TMEM268: variants seen among roughly 807,000 people sequenced by gnomAD.
TMEM268 encodes the protein transmembrane protein C9orf91.
In TMEM268, 24 loss-of-function variants were observed where a neutral mutation model predicts 39.1. The observed-to-expected ratio is 0.61, with a 90% CI of 0.44 to 0.86. The LOEUF (loss-of-function observed/expected upper bound fraction) is 0.86, where lower values mean the gene tolerates loss of function less well. Among genes scored for constraint, TMEM268 ranks in the 40% least tolerant of loss-of-function variants. The pLI is 0.00. For synonymous variants in TMEM268, 176 were observed against 173.5 expected, an observed-to-expected ratio of 1.01 and a Z score of -0.12; for missense variants, 409 against 428.6, an observed-to-expected ratio of 0.95 and a Z score of 0.40.
intron 5 of TMEM268, among the ~76,000 whole-genome samples, chr9:114,633,522 G>A (rs78152726): frequency 0.034 from 5,105 of 152,100 alleles, 275 homozygotes; most frequent in African/African-American, 0.12. Context: ...TGTCCAGGCT[G>A]GCCTCAAACC....
intron 8 of TMEM268, among the ~76,000 whole-genome samples, chr9:114,639,743 C>T (rs1846807806): frequency 6.6e-6 from 1 of 150,934 alleles, no homozygotes; most frequent in African/African-American, 2.4e-5. Context: ...ATGACAGGAA[C>T]ATGCGGTGGC....
upstream of TMEM268, among the ~76,000 whole-genome samples, chr9:114,606,459 G>A (rs1234215997): frequency 7.9e-5 from 12 of 152,188 alleles, no homozygotes; most frequent in Non-Finnish European, 1.5e-5. Flanking sequence ...TGTGACTTCC[G>A]GGAGCTGAAA....
chr9:114,620,170 G>A (rs150726371), intron 2 of TMEM268, among the ~76,000 whole-genome samples: 8,642 of 152,130 alleles, frequency 0.057, 291 homozygotes, highest in East Asian at 0.13. Flanking sequence ...AGCTGAGATC[G>A]CACCATTGCA....
rs10982333 is a variant in TMEM268, at chr9:114,622,176, G to T, written c.107-2174G>T. 1.4e-3 allele frequency: 1,392 copies of T among 985,420 alleles called. 3 individuals are homozygous for T. Among genetic ancestry groups the T allele is most frequent in the Non-Finnish European group, 1.6e-3 (1,322 of 829,920 alleles). The allele number at this position is 985,420 out of a possible 1,614,324, so 61.0% of individuals were successfully genotyped here. On this transcript the variant is annotated intron_variant, in intron 2 of 8. Transcript: ENST00000288502. ...TAGGCCAGGAATTTCCTGGAAAGTG[G>T]AGTGAGTCATTTGGCTTTGAAGACT...
chr9:114,609,344 C>CA (rs34387732), upstream of TMEM268, among the ~76,000 whole-genome samples: 38 of 142,696 alleles, frequency 2.7e-4, 2 homozygotes, highest in East Asian at 5.0e-3. Context: ...AACAAACAAA[C>CA]AAGCATGTAC....
At chr9:114,619,100 T>A (rs1845845527) in intron 2 of TMEM268, among the ~76,000 whole-genome samples, 1 of 152,288 alleles carries the variant, frequency 6.6e-6, no homozygotes, top group South Asian at 2.1e-4. Flanking sequence ...TTGTTACTAG[T>A]GTTGTTAGGA....
intron 2 of TMEM268, among the ~76,000 whole-genome samples, chr9:114,623,400 C>G (rs1216242655): frequency 6.6e-6 from 1 of 152,202 alleles, no homozygotes; most frequent in African/African-American, 2.4e-5. Flanking sequence ...TCTGCCTCGG[C>G]CTCCTAAAGT....
chr9:114,619,063 T>G (rs1310124535), intron 2 of TMEM268, among the ~76,000 whole-genome samples: 1 of 152,208 alleles, frequency 6.6e-6, no homozygotes, highest in African/African-American at 2.4e-5. Context: ...GCTTTGAAAT[T>G]TGACTGCTTA....
At position 114,643,238 on chromosome 9, in the gene TMEM268, G is replaced by C. The variant is rs767315821; in HGVS notation, c.954G>C (p.Pro318=). 1 of 1,614,154 alleles carries C rather than the reference G, an allele frequency of 6.2e-7. No individual in the cohort carries two copies. Among genetic ancestry groups the C allele is most frequent in the Middle Eastern group, 1.6e-4 (1 of 6,062 alleles). ...TGGGGACACGACACACGAACTCTCC[G>C]AGAATTCCATGCCCCTGCCAGCTCA... is the stretch of plus-strand genomic sequence containing the variant. The part of the protein sequence containing the change: ...QAMGTRHTNS[P]RIPCPCQLIE... Residue 318 remains proline, a synonymous_variant, in exon 9 of 9, where the codon CCG becomes CCC. Coordinates refer to ENST00000288502, the MANE Select transcript of TMEM268 (RefSeq NM_153045.4).
intron 7 of TMEM268, among the ~76,000 whole-genome samples, chr9:114,637,859 T>C (rs1348192616): frequency 6.6e-6 from 1 of 152,198 alleles, no homozygotes; most frequent in Non-Finnish European, 1.5e-5. Context: ...GATTAGCCTT[T>C]TCTGAGCCCC....
chr9:114,607,599 G>A (rs1175762212), upstream of TMEM268, among the ~76,000 whole-genome samples: 1 of 152,206 alleles, frequency 6.6e-6, no homozygotes, highest in Non-Finnish European at 1.5e-5. Context: ...GGGCTGCAGT[G>A]AGCCAAGATC....
upstream of TMEM268, among the ~76,000 whole-genome samples, chr9:114,608,183 T>G (rs1337337628): frequency 1.3e-5 from 2 of 152,208 alleles, no homozygotes; most frequent in African/African-American, 4.8e-5. Flanking sequence ...CTGGTGACAT[T>G]TCAGAGATGC....
intron 5 of TMEM268, among the ~76,000 whole-genome samples, chr9:114,630,594 A>T (rs776703794): frequency 6.6e-6 from 1 of 152,194 alleles, no homozygotes; most frequent in African/African-American, 2.4e-5. Context: ...TACTTAATCT[A>T]TCAGGGCCTC....
upstream of TMEM268, among the ~76,000 whole-genome samples, chr9:114,610,472 T>C (rs1845451247): frequency 6.6e-6 from 1 of 152,216 alleles, no homozygotes; most frequent in Non-Finnish European, 1.5e-5. Context: ...CAAGGTACTT[T>C]GTCGAATGAA....
chr9:114,637,061 T>G lies in TMEM268; in HGVS notation c.657T>G (p.Thr219=). The G allele has an allele frequency of 6.2e-7, 1 of 1,606,366 alleles. No individual in the cohort carries two copies. Among genetic ancestry groups the G allele is most frequent in the Non-Finnish European group, 8.5e-7 (1 of 1,173,078 alleles). Reference sequence around the variant, plus strand: ...CTGATCATGTTCAAGAAATGAAGACTAGCCAAGAGGTAAGATATCTTCAGT... The same window carrying G: ...CTGATCATGTTCAAGAAATGAAGACGAGCCAAGAGGTAAGATATCTTCAGT... The part of the protein sequence containing the change: ...FLSDHVQEMK[T]SQESLLRSRL... The change falls in exon 7 of 9, where the codon ACT becomes ACG. Residue 219 remains threonine, a synonymous_variant. Coordinates refer to ENST00000288502, the MANE Select transcript of TMEM268 (RefSeq NM_153045.4).
At chr9:114,607,760 CAGA>C (rs1458669281), upstream of TMEM268, among the ~76,000 whole-genome samples, 2 of 152,042 alleles carry the variant, frequency 1.3e-5, no homozygotes, top group Non-Finnish European at 2.9e-5. Flanking sequence ...GCAGGGCTCC[CAGA>C]AGAAGGGCCC....
chr9:114,614,752 C>G (rs1293581958), intron 1 of TMEM268, among the ~76,000 whole-genome samples: 2 of 152,170 alleles, frequency 1.3e-5, no homozygotes, highest in South Asian at 4.1e-4. Context: ...GGACATAAGC[C>G]TGATTTTCCT....
At chr9:114,618,409 C>G (rs1213083749) in intron 2 of TMEM268, among the ~76,000 whole-genome samples, 1 of 151,924 alleles carries the variant, frequency 6.6e-6, no homozygotes, top group East Asian at 2.0e-4. Flanking sequence ...AATCCCAGCA[C>G]TTTGGGAGGC....
chr9:114,625,437 C>A (rs997686745), intron 3 of TMEM268, among the ~76,000 whole-genome samples: 1 of 126,476 alleles, frequency 7.9e-6, no homozygotes, highest in African/African-American at 3.0e-5. Context: ...GAATTTACTT[C>A]TTCTTCTTTT....
Sources: gnomAD v4.1 joint callset for allele counts (sites outside exome capture counted in the v4.1 genomes callset) on GRCh38, gnomAD v4.1.1 for gene constraint, MANE v1.5 for transcripts, NCBI Gene and HGNC (gene_info 2026-07-23, HGNC 2026-07-21) for gene names.